Variants in NBAS observed in about 807,000 individuals in gnomAD.
NBAS encodes the protein NBAS subunit of NRZ tethering complex.
In NBAS, 219 loss-of-function variants were observed where a neutral mutation model predicts 302.5. That is an observed-to-expected ratio of 0.72 (90% CI 0.65 to 0.81). The LOEUF (loss-of-function observed/expected upper bound fraction) is 0.81. NBAS is among the 30% of genes least tolerant of loss of function. The pLI is 0.00. For synonymous variants in NBAS, 1,118 were observed against 1,021.6 expected (o/e 1.09, Z -1.80); for missense variants, 2,932 against 2,841.6 (o/e 1.03, Z -0.72).
chr2:15,558,751 G>C, intron 1 of NBAS, 117 bp from the exon 2 acceptor site: 1 of 800,104 alleles, frequency 1.2e-6, no homozygotes, highest in South Asian at 1.5e-5. Context: ...TTTGGGCACA[G>C]GGAAGCAGTG....
At chr2:15,202,721 T>G (rs1665938829) in intron 48 of NBAS, among the ~76,000 whole-genome samples, 1 of 152,132 alleles carries the variant, frequency 6.6e-6, no homozygotes, top group African/African-American at 2.4e-5. Context: ...GCATTTTTAG[T>G]AGAGACGTGT....
chr2:15,187,772 G>C (rs1007035041), intron 49 of NBAS, among the ~76,000 whole-genome samples: 1 of 152,160 alleles, frequency 6.6e-6, no homozygotes, highest in Non-Finnish European at 1.5e-5. Context: ...TCTAGACATT[G>C]AACAACCAGG....
intron 19 of NBAS, among the ~76,000 whole-genome samples, chr2:15,464,544 C>G (rs1679641180): frequency 6.6e-6 from 1 of 151,866 alleles, no homozygotes; most frequent in Admixed American, 6.6e-5. Context: ...TCCATAAAGT[C>G]CTCCTCACCC....
intron 9 of NBAS, among the ~76,000 whole-genome samples, chr2:15,515,826 C>A (rs1662363291): frequency 6.6e-6 from 1 of 152,036 alleles, no homozygotes; most frequent in African/African-American, 2.4e-5. Context: ...AAACTCAGCA[C>A]AATATACTCA....
chr2:14,969,431 G>A, the NBAS span, among the ~76,000 whole-genome samples: 1 of 151,792 alleles, frequency 6.6e-6, no homozygotes, highest in Non-Finnish European at 1.5e-5. Flanking sequence ...GCCTGGAGTG[G>A]AGTGGTGCGA....
chr2:15,490,794 T>TG (rs1680823385), intron 11 of NBAS, among the ~76,000 whole-genome samples: 1 of 152,206 alleles, frequency 6.6e-6, no homozygotes, highest in African/African-American at 2.4e-5. Context: ...ACCTGGACCC[T>TG]GGCCTAGTTT....
At chr2:15,043,025 G>A in the NBAS span, among the ~76,000 whole-genome samples, 3 of 152,164 alleles carry the variant, frequency 2.0e-5, no homozygotes, top group African/African-American at 4.8e-5. Context: ...ACAAAAACAG[G>A]CAGTAGGTCA....
At chr2:15,478,176 A>T (rs916445743) in intron 13 of NBAS, 50 bp downstream of exon 13, 9 of 1,211,442 alleles carry the variant, frequency 7.4e-6, no homozygotes, top group Non-Finnish European at 1.1e-5. Flanking sequence ...AATCTTGTAT[A>T]ATAATAGGAG....
chr2:14,857,434 G>A, the NBAS span, among the ~76,000 whole-genome samples: 2 of 152,090 alleles, frequency 1.3e-5, no homozygotes, highest in African/African-American at 2.4e-5. Flanking sequence ...ATACTACAGA[G>A]CTATGGTAAC....
chr2:14,949,766 A>G, the NBAS span, among the ~76,000 whole-genome samples: 1 of 152,196 alleles, frequency 6.6e-6, no homozygotes. Flanking sequence ...ACTGGAGGTC[A>G]TTTTGTTAAG....
At position 15,539,311 on chromosome 2, in the gene NBAS, T is replaced by C; in HGVS notation, c.425A>G (p.Tyr142Cys). Residue 142 changes from tyrosine to cysteine, a missense_variant, in exon 7 of 52, where the codon TAC (tyrosine) becomes TGC (cysteine). By Grantham distance (194) the Tyr-to-Cys change is radical. Transcript: ENST00000281513. ...KPQWRRVAWSYDCTLLAYAES... is the reference protein window; with the variant it reads ...KPQWRRVAWSCDCTLLAYAES... ...GGCATAGGCCAGTAGGGTACAATCG[T>C]AACTCCATGCTACCCGTCTCCACTG... 1 of 1,614,240 alleles carries C rather than the reference T, an allele frequency of 6.2e-7. No individual in the cohort carries two copies. Among genetic ancestry groups the C allele is most frequent in the South Asian group, 1.1e-5 (1 of 91,088 alleles).
intron 44 of NBAS, 36 bp from the exon 45 acceptor site, chr2:15,238,722 C>T (rs777616903): frequency 5.1e-6 from 8 of 1,565,160 alleles, no homozygotes; most frequent in Non-Finnish European, 6.1e-6. Flanking sequence ...AAGAACCCTG[C>T]ATTATTACCT....
intron 6 of NBAS, among the ~76,000 whole-genome samples, chr2:15,549,735 T>A (rs929385891): frequency 6.6e-6 from 1 of 151,638 alleles, no homozygotes; most frequent in Non-Finnish European, 1.5e-5. Context: ...CTCAAAAAAA[T>A]AAATAAATAA....
chr2:14,991,273 AT>A, the NBAS span, among the ~76,000 whole-genome samples: 17 of 146,828 alleles, frequency 1.2e-4, no homozygotes, highest in African/African-American at 4.3e-4. Flanking sequence ...TTAAATTATA[AT>A]TTAAAAAAAA....
intron 21 of NBAS, among the ~76,000 whole-genome samples, chr2:15,454,245 A>G (rs1043289666): frequency 6.6e-6 from 1 of 152,252 alleles, no homozygotes; most frequent in African/African-American, 2.4e-5. Context: ...ATAAATGAGT[A>G]TCAATTCTCA....
the NBAS span, among the ~76,000 whole-genome samples, chr2:15,014,708 C>T: frequency 3.3e-5 from 5 of 151,796 alleles, no homozygotes; most frequent in East Asian, 9.7e-4. Flanking sequence ...TTTAAATAAA[C>T]AACTTAATGA....
intron 35 of NBAS, among the ~76,000 whole-genome samples, chr2:15,342,316 T>A (rs941964598): frequency 1.3e-5 from 2 of 151,952 alleles, no homozygotes; most frequent in Non-Finnish European, 2.9e-5. Context: ...ATCAAAAAAA[T>A]AAATAAATCA....
intron 48 of NBAS, among the ~76,000 whole-genome samples, chr2:15,193,322 G>A (rs563103448): frequency 3.9e-5 from 6 of 152,042 alleles, no homozygotes; most frequent in South Asian, 2.1e-4. Context: ...ATATCAAAGC[G>A]TTTCAAGTCA....
chr2:15,233,724 TGGA>T (rs1417352924), intron 46 of NBAS, among the ~76,000 whole-genome samples: 1 of 152,214 alleles, frequency 6.6e-6, no homozygotes, highest in Admixed American at 6.5e-5. Flanking sequence ...ATAAAATTAA[TGGA>T]TACCTCAGAG....
Sources: gnomAD v4.1 joint callset for allele counts (sites outside exome capture counted in the v4.1 genomes callset) on GRCh38, gnomAD v4.1.1 for gene constraint, MANE v1.5 for transcripts, NCBI Gene and HGNC (gene_info 2026-07-23, HGNC 2026-07-21) for gene names.